PLA2G4A: variants seen among roughly 807,000 people sequenced by gnomAD.
PLA2G4A encodes the protein cytosolic phospholipase A2.
A neutral mutation model predicts 81.9 loss-of-function variants in PLA2G4A; 40 were observed. That is an observed-to-expected ratio of 0.49 (90% confidence interval 0.38 to 0.64). The LOEUF (loss-of-function observed/expected upper bound fraction) is 0.64, where lower values mean the gene tolerates loss of function less well. Ranked by LOEUF, PLA2G4A falls within the 30% of genes least tolerant of loss-of-function variation. PLA2G4A has a pLI of 0.00. For synonymous variants in PLA2G4A, 302 were observed against 296.9 expected (o/e 1.02, Z -0.18); for missense variants, 715 against 905.1 (o/e 0.79, Z 2.69).
intron 7 of PLA2G4A, among the ~76,000 whole-genome samples, chr1:186,912,152 C>T (rs1654967336): frequency 6.6e-6 from 1 of 152,084 alleles, no homozygotes; most frequent in Non-Finnish European, 1.5e-5. Flanking sequence ...TGGAAAACAC[C>T]CTCATTAGCA....
At chr1:186,846,672 G>T (rs1327064574) in intron 1 of PLA2G4A, among the ~76,000 whole-genome samples, 1 of 152,006 alleles carries the variant, frequency 6.6e-6, no homozygotes, top group African/African-American at 2.4e-5. Context: ...TTTTTTATTA[G>T]AATGTTACAT....
intron 13 of PLA2G4A, among the ~76,000 whole-genome samples, chr1:186,955,409 G>A (rs1303222136): frequency 6.6e-6 from 1 of 152,096 alleles, no homozygotes; most frequent in African/African-American, 2.4e-5. Flanking sequence ...GAAATGTAGA[G>A]GATAGAATTA....
chr1:186,916,363 T>C (rs1488067530), intron 7 of PLA2G4A, among the ~76,000 whole-genome samples: 3 of 152,106 alleles, frequency 2.0e-5, no homozygotes, highest in Non-Finnish European at 4.4e-5. Context: ...ATCCTTTTCA[T>C]TTTTTTATCC....
At chr1:186,964,247 A>G (rs979656917) in intron 14 of PLA2G4A, among the ~76,000 whole-genome samples, 1 of 152,238 alleles carries the variant, frequency 6.6e-6, no homozygotes, top group Admixed American at 6.5e-5. Context: ...CAACAGCTGT[A>G]TGGCATTTTA....
chr1:186,944,114 A>G (rs1187730487), intron 10 of PLA2G4A, among the ~76,000 whole-genome samples: 1 of 152,140 alleles, frequency 6.6e-6, no homozygotes, highest in Non-Finnish European at 1.5e-5. Flanking sequence ...GGTTTACTGA[A>G]ATAGGTAAGC....
rs546782190 is a variant in PLA2G4A, at chr1:186,975,082, C to G, written c.1765-2511C>G. ...AAGCTCTTTCTTTTCTTTGCCCTCA[C>G]GCAATTGCTCCACAATGTGAACTTT... On this transcript the variant is annotated intron_variant, in intron 15 of 17. Transcript: ENST00000367466. Among the ~76,000 whole-genome samples the G allele has an allele frequency of 8.5e-4, 130 of 152,276 alleles. 1 individual carries two copies. Among genetic ancestry groups the G allele is most frequent in the Admixed American group, 2.5e-3 (38 of 15,306 alleles).
chr1:186,870,144 G>A (rs545577821), intron 2 of PLA2G4A, among the ~76,000 whole-genome samples: 2 of 152,222 alleles, frequency 1.3e-5, no homozygotes, highest in African/African-American at 4.8e-5. Flanking sequence ...GCCTGATTGT[G>A]CTCCTAGAAT....
At chr1:186,981,730 C>T (rs1438555620) in intron 17 of PLA2G4A, among the ~76,000 whole-genome samples, 1 of 152,112 alleles carries the variant, frequency 6.6e-6, no homozygotes, top group Non-Finnish European at 1.5e-5. Flanking sequence ...GTCCCCATTT[C>T]CCCTGCATTT....
Position 186,939,125 on chromosome 1 carries a change from A to T in PLA2G4A, c.813A>T (p.Lys271Asn). 1 of 1,608,776 alleles carries T rather than the reference A, an allele frequency of 6.2e-7. No homozygotes were observed. The highest frequency in any genetic ancestry group is 8.5e-7 in the Non-Finnish European group (1 of 1,175,286). ...CCCTTTTACTTCTCACACCACAGAA[A>T]GTTAAAAGATATGTTGAGTCTTTAT... Reference protein sequence around the residue: ...HNPLLLLTPQKVKRYVESLWK... With the variant: ...HNPLLLLTPQNVKRYVESLWK... The change falls in exon 9 of 18, where the codon AAA becomes AAT. Residue 271 changes from lysine to asparagine, a missense_variant. Transcript: ENST00000367466.
chr1:186,931,527 T>G (rs1195714819), intron 7 of PLA2G4A, among the ~76,000 whole-genome samples: 1 of 73,424 alleles, frequency 1.4e-5, no homozygotes, highest in Non-Finnish European at 4.0e-5. Context: ...CTATTATTAT[T>G]ATTATTATTA....
In PLA2G4A at chr1:186,965,401, T is replaced by C; in HGVS notation, c.1580-8T>C. On this transcript the variant is annotated splice_region_variant and splice_polypyrimidine_tract_variant and intron_variant, in intron 14 of 17. Transcript: ENST00000367466. Reference sequence around the variant, plus strand: ...AATTCATTCTTGTTTTTCTTTTATGTTTTTAAGATCCTGATGAATTTGAGC... The same window carrying C: ...AATTCATTCTTGTTTTTCTTTTATGCTTTTAAGATCCTGATGAATTTGAGC... 6.4e-7 allele frequency: 1 copy of C among 1,571,932 alleles called. No individual in the cohort carries two copies. The highest frequency in any genetic ancestry group is 8.8e-7 in the Non-Finnish European group (1 of 1,141,772).
intron 6 of PLA2G4A, among the ~76,000 whole-genome samples, chr1:186,910,943 G>T (rs1047538664): frequency 2.0e-5 from 3 of 152,186 alleles, no homozygotes; most frequent in African/African-American, 7.2e-5. Flanking sequence ...TATAAACAGG[G>T]TTCTTTACTG....
intron 1 of PLA2G4A, among the ~76,000 whole-genome samples, chr1:186,849,563 G>T (rs1652300743): frequency 1.3e-5 from 2 of 151,970 alleles, no homozygotes; most frequent in Admixed American, 6.6e-5. Flanking sequence ...TTTCACGTTT[G>T]CTCACCATTC....
At chr1:186,846,779 T>A (rs1652191289) in intron 1 of PLA2G4A, among the ~76,000 whole-genome samples, 1 of 152,160 alleles carries the variant, frequency 6.6e-6, no homozygotes, top group African/African-American at 2.4e-5. Context: ...GTTCCTTATA[T>A]TAAATAGCTA....
At position 186,930,873 on chromosome 1, in the gene PLA2G4A, T is replaced by A. The variant is rs1655720253; in HGVS notation, c.559-1890T>A. Among the ~76,000 whole-genome samples the A allele has an allele frequency of 2.0e-5, 3 of 152,210 alleles. No individual in the cohort carries two copies. The South Asian group carries it at 6.2e-4, about 32-fold the overall frequency. ...GCATACCCTTTCCTGCTTATGCCTA[T>A]CTTGGCCTGAACCTTAGGCCCAGAA... On this transcript the variant is annotated intron_variant, in intron 7 of 17. Coordinates refer to ENST00000367466, the MANE Select transcript of PLA2G4A (RefSeq NM_024420.3).
chr1:186,979,806 G>C (rs1319122877), intron 17 of PLA2G4A, among the ~76,000 whole-genome samples: 1 of 152,038 alleles, frequency 6.6e-6, no homozygotes, highest in Non-Finnish European at 1.5e-5. Flanking sequence ...AAGGAAATAT[G>C]AGTATGAAAG....
Position 186,861,459 on chromosome 1 carries a change from G to C in PLA2G4A, c.33+7072G>C, listed in dbSNP as rs116425854. Among the ~76,000 whole-genome samples, 364 of 152,180 alleles carry C rather than the reference G, an allele frequency of 2.4e-3. 3 individuals are homozygous for C. In the Middle Eastern group the frequency reaches 0.027, roughly 11 times the overall value. The stretch of plus-strand genomic sequence containing the variant: ...TTGGTAGTTAATGCTTTCCTATCTA[G>C]TTAGTTCTTTCCTACTTTTAGGAAA... On this transcript the variant is annotated intron_variant, in intron 2 of 17. Transcript: ENST00000367466.
At chr1:186,922,915 A>G (rs1655409521) in intron 7 of PLA2G4A, among the ~76,000 whole-genome samples, 1 of 152,234 alleles carries the variant, frequency 6.6e-6, no homozygotes. Flanking sequence ...AGAACAGAAC[A>G]GAATAGGACA....
intron 3 of PLA2G4A, among the ~76,000 whole-genome samples, chr1:186,871,463 G>T (rs1018218824): frequency 6.6e-6 from 1 of 152,134 alleles, no homozygotes; most frequent in African/African-American, 2.4e-5. Flanking sequence ...AGAGAACAGA[G>T]ATTGCAATGT....
Sources: gnomAD v4.1 joint callset for allele counts (sites outside exome capture counted in the v4.1 genomes callset) on GRCh38, gnomAD v4.1.1 for gene constraint, MANE v1.5 for transcripts, NCBI Gene and HGNC (gene_info 2026-07-23, HGNC 2026-07-21) for gene names.